Variants in KCNIP4 observed in about 807,000 individuals in gnomAD.
KCNIP4 encodes the protein Kv channel-interacting protein 4.
KCNIP4 carries 12 observed loss-of-function variants against 34.0 expected under a neutral mutation model. The ratio of observed to expected loss-of-function variants is 0.35; its 90% CI spans 0.23 to 0.57. The LOEUF (loss-of-function observed/expected upper bound fraction) is 0.57, where lower values mean the gene tolerates loss of function less well. Among genes scored for constraint, KCNIP4 ranks in the 20% least tolerant of loss-of-function variants. The pLI is 0.83. For missense variants in KCNIP4, 238 were observed against 311.7 expected (o/e 0.76, Z 1.78); for synonymous variants, 124 against 102.2 (o/e 1.21, Z -1.29).
intron 1 of KCNIP4, among the ~76,000 whole-genome samples, chr4:21,615,212 T>A (rs1236832192): frequency 6.6e-6 from 1 of 151,728 alleles, no homozygotes; most frequent in Non-Finnish European, 1.5e-5. Flanking sequence ...AAATAATGAT[T>A]AGAGTAAAAG....
In KCNIP4 at chr4:21,742,770, T is replaced by C. The variant is rs143510831; in HGVS notation, c.61+205801A>G. 8.8e-3 allele frequency among the ~76,000 whole-genome samples: 1,330 copies of C among 151,944 alleles called. 19 individuals carry two copies. The highest frequency in any genetic ancestry group is 0.039 in the South Asian group (186 of 4,796). On this transcript the variant is annotated intron_variant, in intron 1 of 8. Transcript: ENST00000382152. Reference sequence around the variant, plus strand: ...GGTAAGTTATATGTACATGGGAAAATAGAAAAAGACATGAAGGCAGTTTGA... The same window carrying C: ...GGTAAGTTATATGTACATGGGAAAACAGAAAAAGACATGAAGGCAGTTTGA...
chr4:21,288,922 G>A (rs1269749567), intron 1 of KCNIP4, among the ~76,000 whole-genome samples: 1 of 152,130 alleles, frequency 6.6e-6, no homozygotes, highest in African/African-American at 2.4e-5. Flanking sequence ...TTTCATGGCT[G>A]TATAGTATTC....
At chr4:21,078,493 G>A (rs977029763) in intron 1 of KCNIP4, among the ~76,000 whole-genome samples, 30 of 151,910 alleles carry the variant, frequency 2.0e-4, no homozygotes, top group South Asian at 4.1e-4. Flanking sequence ...CATCTCTCTT[G>A]TGCCTCTTCT....
At chr4:20,759,773 G>A (rs1754798055) in intron 3 of KCNIP4, among the ~76,000 whole-genome samples, 1 of 152,208 alleles carries the variant, frequency 6.6e-6, no homozygotes, top group African/African-American at 2.4e-5. Context: ...ATAAGAACCA[G>A]TGTGGTTAAG....
At chr4:21,906,252 A>G (rs1009082530) in intron 1 of KCNIP4, among the ~76,000 whole-genome samples, 3 of 152,166 alleles carry the variant, frequency 2.0e-5, no homozygotes, top group Non-Finnish European at 4.4e-5. Flanking sequence ...TGCAGGTGTA[A>G]TAAATAAGTT....
At chr4:21,924,969 T>G (rs1400225248) in intron 1 of KCNIP4, among the ~76,000 whole-genome samples, 1 of 152,136 alleles carries the variant, frequency 6.6e-6, no homozygotes, top group Non-Finnish European at 1.5e-5. Context: ...CTAGCATGCA[T>G]TTTCCTAATC....
chr4:21,653,380 T>C (rs932265866), intron 1 of KCNIP4, among the ~76,000 whole-genome samples: 1 of 152,204 alleles, frequency 6.6e-6, no homozygotes, highest in African/African-American at 2.4e-5. Context: ...CAGGATGAAA[T>C]AATTAATATG....
intron 1 of KCNIP4, among the ~76,000 whole-genome samples, chr4:21,047,055 TA>T (rs1742491873): frequency 1.3e-5 from 2 of 152,346 alleles, no homozygotes; most frequent in Middle Eastern, 6.8e-3. Context: ...GGGTGCTTAT[TA>T]ATAATGATAT....
intron 1 of KCNIP4, among the ~76,000 whole-genome samples, chr4:21,876,770 A>G (rs1022949261): frequency 3.3e-5 from 5 of 152,184 alleles, no homozygotes; most frequent in African/African-American, 1.2e-4. Flanking sequence ...AAAGTGAGTG[A>G]AAGTTCAAAA....
At chr4:21,881,079 G>A (rs763117423) in intron 1 of KCNIP4, among the ~76,000 whole-genome samples, 2 of 152,064 alleles carry the variant, frequency 1.3e-5, no homozygotes, top group African/African-American at 2.4e-5. Context: ...TCCTTACAGT[G>A]AATTATAATA....
chr4:21,131,564 T>C (rs558063044), intron 1 of KCNIP4, among the ~76,000 whole-genome samples: 7 of 152,120 alleles, frequency 4.6e-5, no homozygotes, highest in African/African-American at 1.7e-4. Context: ...GAGCCGAGAT[T>C]GCACCACTGC....
chr4:21,126,019 G>A (rs1234561081), intron 1 of KCNIP4, among the ~76,000 whole-genome samples: 2 of 152,134 alleles, frequency 1.3e-5, no homozygotes, highest in South Asian at 2.1e-4. Flanking sequence ...TAAAGTATTA[G>A]CAGTGAACAT....
chr4:21,345,330 C>T (rs1717182394), intron 1 of KCNIP4, among the ~76,000 whole-genome samples: 1 of 152,122 alleles, frequency 6.6e-6, no homozygotes, highest in African/African-American at 2.4e-5. Flanking sequence ...TGACTGCTGG[C>T]CCAACCAACA....
chr4:21,766,097 G>C (rs185208191), intron 1 of KCNIP4, among the ~76,000 whole-genome samples: 49 of 152,188 alleles, frequency 3.2e-4, no homozygotes, highest in Middle Eastern at 6.8e-3. Flanking sequence ...GAATTACACA[G>C]GAATGCAGAA....
At chr4:20,866,964 T>C (rs1430853623) in intron 2 of KCNIP4, among the ~76,000 whole-genome samples, 1 of 151,750 alleles carries the variant, frequency 6.6e-6, no homozygotes, top group Non-Finnish European at 1.5e-5. Flanking sequence ...AGGTGAAAGA[T>C]CTCCACAAGG....
At chr4:21,528,817 A>G (rs1381715525) in intron 1 of KCNIP4, among the ~76,000 whole-genome samples, 1 of 111,646 alleles carries the variant, frequency 9.0e-6, no homozygotes, top group Non-Finnish European at 2.0e-5. Context: ...GGAAGGAAGG[A>G]AGGAAGGAAG....
At chr4:21,362,452 T>C (rs1188900560) in intron 1 of KCNIP4, among the ~76,000 whole-genome samples, 2 of 152,144 alleles carry the variant, frequency 1.3e-5, no homozygotes, top group African/African-American at 4.8e-5. Flanking sequence ...TTAGAAAAGG[T>C]ATGAGCTTTG....
At chr4:21,414,123 T>A (rs935427085) in intron 1 of KCNIP4, among the ~76,000 whole-genome samples, 1 of 151,912 alleles carries the variant, frequency 6.6e-6, no homozygotes, top group African/African-American at 2.4e-5. Flanking sequence ...GTAGGTTAGA[T>A]GATGATATGT....
chr4:21,441,679 C>T (rs1727499378), intron 1 of KCNIP4, among the ~76,000 whole-genome samples: 1 of 152,164 alleles, frequency 6.6e-6, no homozygotes, highest in African/African-American at 2.4e-5. Context: ...ACCACTCATC[C>T]TCCTACGATT....
Sources: allele counts gnomAD v4.1 joint callset (sites outside exome capture counted in the v4.1 genomes callset), GRCh38; gene constraint gnomAD v4.1.1; transcripts MANE v1.5; gene names NCBI Gene and HGNC (gene_info 2026-07-23, HGNC 2026-07-21).